Variants in NUDC observed in about 807,000 individuals in gnomAD.
NUDC encodes the protein nuclear distribution C, dynein complex regulator, also known as nuclear migration protein nudC.
In NUDC, 14 loss-of-function variants were observed where a neutral mutation model predicts 45.0. That is an observed-to-expected ratio of 0.31 (90% CI 0.21 to 0.49). The LOEUF is 0.49. Ranked by LOEUF, NUDC falls within the 20% of genes least tolerant of loss-of-function variation. NUDC has a pLI of 0.99. For synonymous variants in NUDC, 153 were observed against 156.7 expected (o/e 0.98, Z 0.17); for missense variants, 323 against 426.2 (o/e 0.76, Z 2.13).
At chr1:26,927,301 G>T (rs2082141698) in intron 2 of NUDC, among the ~76,000 whole-genome samples, 1 of 151,390 alleles carries the variant, frequency 6.6e-6, no homozygotes, top group Non-Finnish European at 1.5e-5. Context: ...GTGTGTGTGT[G>T]TGTCAGGGTC....
At chr1:26,932,401 GA>G (rs2082191026) in intron 2 of NUDC, among the ~76,000 whole-genome samples, 1 of 151,722 alleles carries the variant, frequency 6.6e-6, no homozygotes, top group South Asian at 2.1e-4. Context: ...AACCTGTCTT[GA>G]ACTCCTGACC....
chr1:26,905,474 T>C (rs371096314), intron 2 of NUDC, among the ~76,000 whole-genome samples: 1 of 152,260 alleles, frequency 6.6e-6, no homozygotes, highest in South Asian at 2.1e-4. Flanking sequence ...TTATACTTTT[T>C]AGACAACAAT....
chr1:26,936,280 C>G (rs919190151), intron 2 of NUDC, among the ~76,000 whole-genome samples: 2 of 134,218 alleles, frequency 1.5e-5, no homozygotes, highest in African/African-American at 5.7e-5. Context: ...ACATCTGTCT[C>G]CTGGGTTCAA....
At chr1:26,921,600 G>C, upstream of NUDC, 1 of 575,702 alleles carries the variant, frequency 1.7e-6, no homozygotes, top group Non-Finnish European at 3.1e-6. Flanking sequence ...CGCGCTTGTT[G>C]ATTGGCTCCG....
At chr1:26,935,232 C>T (rs543976242) in intron 2 of NUDC, among the ~76,000 whole-genome samples, 1 of 152,202 alleles carries the variant, frequency 6.6e-6, no homozygotes, top group South Asian at 2.1e-4. Context: ...TCCGTGCCCC[C>T]TTGGCCTCCC....
intron 2 of NUDC, among the ~76,000 whole-genome samples, chr1:26,925,100 C>T (rs563385582): frequency 3.3e-5 from 5 of 151,066 alleles, no homozygotes; most frequent in South Asian, 2.1e-4. Flanking sequence ...AGGCTGGTCT[C>T]GAACCCCTGA....
At chr1:26,924,967 G>A (rs1214998366) in intron 2 of NUDC, among the ~76,000 whole-genome samples, 2 of 151,652 alleles carry the variant, frequency 1.3e-5, no homozygotes, top group Non-Finnish European at 2.9e-5. Flanking sequence ...TGCAACCTCC[G>A]CCTCCTGGGT....
chr1:26,929,415 A>C (rs1304675200), intron 2 of NUDC, among the ~76,000 whole-genome samples: 3 of 120,450 alleles, frequency 2.5e-5, no homozygotes, highest in African/African-American at 1.1e-4. Context: ...TGAAAAAACA[A>C]AAAAAAAAAA....
chr1:26,904,811 T>C (rs986167676), intron 2 of NUDC, among the ~76,000 whole-genome samples: 29 of 152,026 alleles, frequency 1.9e-4, no homozygotes, highest in Non-Finnish European at 2.8e-4. Context: ...AGTTCACACA[T>C]GGTAAATTAA....
At chr1:26,944,023 G>A (rs1382547807) in intron 6 of NUDC, among the ~76,000 whole-genome samples, 1 of 150,674 alleles carries the variant, frequency 6.6e-6, no homozygotes, top group African/African-American at 2.4e-5. Context: ...GACTACAGGC[G>A]CCCGCCACCA....
At chr1:26,924,200 T>C (rs753502683) in intron 2 of NUDC, 34 bp downstream of exon 2, 7 of 1,586,878 alleles carry the variant, frequency 4.4e-6, no homozygotes, top group East Asian at 2.2e-5. Context: ...TTTGGGCGGC[T>C]CTGTCTCTTC....
intron 2 of NUDC, among the ~76,000 whole-genome samples, chr1:26,927,876 A>C (rs2082147098): frequency 6.6e-6 from 1 of 152,192 alleles, no homozygotes; most frequent in African/African-American, 2.4e-5. Flanking sequence ...CATTACATAC[A>C]ATAATCTAAT....
chr1:26,922,029 G>A, intron 1 of NUDC, 100 bp downstream of exon 1: 1 of 1,260,232 alleles, frequency 7.9e-7, no homozygotes, highest in South Asian at 1.3e-5. Flanking sequence ...GCGGCTCGCG[G>A]GCTTCTGGGA....
Position 26,946,269 on chromosome 1 carries a change from A to C in NUDC, c.*88A>C. 1 of 1,209,236 alleles carries C rather than the reference A, an allele frequency of 8.3e-7. No homozygotes were observed. The highest frequency in any genetic ancestry group is 1.2e-5 in the South Asian group (1 of 82,588). 74.9% of individuals were successfully genotyped at this position (1,209,236 alleles called of 1,614,324 possible). A position where few individuals can be genotyped will look rare whatever the true frequency, so the allele number is the denominator to read the frequency against. On this transcript the variant is annotated 3_prime_UTR_variant, in exon 9 of 9. Coordinates refer to ENST00000321265, the MANE Select transcript of NUDC (RefSeq NM_006600.4). ...CTCTTCTCTGGGACTTGTGGGCCTCAGGGCTTGGGGCAGGCATGGGACTGG... is the reference window on the plus strand; with the variant it reads ...CTCTTCTCTGGGACTTGTGGGCCTCCGGGCTTGGGGCAGGCATGGGACTGG...
upstream of NUDC, chr1:26,921,736 C>T (rs1212574373): frequency 8.4e-7 from 1 of 1,189,096 alleles, no homozygotes. Context: ...GTGTTTCCGG[C>T]TCCGCTGCGG....
chr1:26,915,251 A>G (rs1200949176), intron 3 of NUDC, among the ~76,000 whole-genome samples: 1 of 152,034 alleles, frequency 6.6e-6, no homozygotes, highest in Non-Finnish European at 1.5e-5. Context: ...GCCTGACTCC[A>G]AAGTCCTTGT....
Position 26,942,741 on chromosome 1 carries a change from A to G in NUDC, c.511A>G (p.Asn171Asp). The G allele has an allele frequency of 6.2e-7, 1 of 1,614,208 alleles. No homozygotes were observed. The highest frequency in any genetic ancestry group is 8.5e-7 in the Non-Finnish European group (1 of 1,180,044). Residue 171 changes from asparagine (N) to aspartate (D), a missense_variant, in exon 5 of 9, where the codon AAT (asparagine) becomes GAT (aspartate). Asn to Asp is a conservative substitution (Grantham distance 23, BLOSUM62 1). Coordinates refer to ENST00000321265, the MANE Select transcript of NUDC (RefSeq NM_006600.4). ...CCTAGGCAACGGGGCAGACCTGCCC[A>G]ATTACCGCTGGACCCAGACCCTGTC... ...PNLGNGADLP[N>D]YRWTQTLSEL...
Position 26,900,402 on chromosome 1 carries a change from T to G in NUDC, c.-101+2T>G, listed in dbSNP as rs956497436. 1.2e-6 allele frequency: 2 copies of G among 1,612,530 alleles called. No individual in the cohort carries two copies. The highest frequency in any genetic ancestry group is 2.7e-5 in the African/African-American group (2 of 74,900). ...GGAGGGGATACCGCTCACTACCAGG[T>G]AAACTGTCGCCTCCTCCTCCGCCTC... is the stretch of plus-strand genomic sequence containing the variant. On this transcript the variant is annotated splice_donor_variant, in intron 1 of 6. Coordinates refer to the NUDC transcript ENST00000435827. LOFTEE classifies it low-confidence loss of function (5UTR_SPLICE).
chr1:26,936,166 T>TATATATATATATATATG, intron 2 of NUDC, among the ~76,000 whole-genome samples: 1 of 1,838 alleles, frequency 5.4e-4, no homozygotes, highest in Non-Finnish European at 9.5e-4. Context: ...TATATATATA[T>TATATATATATATATATG]TTTTTTTTTT....
Sources: allele counts gnomAD v4.1 joint callset (sites outside exome capture counted in the v4.1 genomes callset), GRCh38; gene constraint gnomAD v4.1.1; transcripts MANE v1.5; gene names NCBI Gene and HGNC (gene_info 2026-07-23, HGNC 2026-07-21).